The following PIK3R5 variants were observed in gnomAD, a reference collection of about 807,000 sequenced individuals.
PIK3R5 encodes phosphoinositide 3-kinase regulatory subunit 5.
A neutral mutation model predicts 94.9 loss-of-function variants in PIK3R5; 32 were observed. The ratio of observed to expected loss-of-function variants is 0.34; its 90% CI spans 0.25 to 0.45. PIK3R5 has a LOEUF of 0.45. PIK3R5 is among the 20% of genes least tolerant of loss of function. The pLI is 1.00. For synonymous variants in PIK3R5, 443 were observed against 479.4 expected (o/e 0.92, Z 0.99); for missense variants, 853 against 1,144.6 (o/e 0.75, Z 3.68).
chr17:8,959,170 C>T (rs746114229), intron 1 of PIK3R5, among the ~76,000 whole-genome samples: 7 of 152,182 alleles, frequency 4.6e-5, no homozygotes, highest in Non-Finnish European at 7.4e-5. Flanking sequence ...CCCAGCACGC[C>T]GCTTCAGGGT....
chr17:8,888,402 G>A lies in PIK3R5; in HGVS notation c.1385C>T (p.Pro462Leu). The A allele has an allele frequency of 6.3e-7, 1 of 1,586,972 alleles. No homozygotes were observed. Among genetic ancestry groups the A allele is most frequent in the Non-Finnish European group, 8.5e-7 (1 of 1,170,022 alleles). The change falls in exon 10 of 19, where the codon CCC (proline) becomes CTC (leucine). Residue 462 changes from proline to leucine, a missense_variant. By Grantham distance (98) the Pro-to-Leu change is moderately conservative. Transcript: ENST00000447110. The surrounding 1 kb of genome is among the most constrained non-coding windows in gnomAD (Gnocchi z 7.8). ...AGGGGGTGATACTGGTTCGTCCAGG[G>A]GGCTGCAGAGGCTCCCTGCCCGCCT... ...PLRRAGSLCS[P>L]LDEPVSPPSR...
chr17:8,932,383 C>T (rs1000123559), intron 1 of PIK3R5, among the ~76,000 whole-genome samples: 5 of 152,092 alleles, frequency 3.3e-5, no homozygotes, highest in Non-Finnish European at 7.4e-5. Context: ...TACAGGCATG[C>T]ACTACCATGC....
chr17:8,920,219 C>T lies in PIK3R5; in HGVS notation c.-13-8712G>A, dbSNP rs115364568. 8.9e-3 allele frequency among the ~76,000 whole-genome samples: 1,362 copies of T among 152,222 alleles called. 23 individuals carry two copies. The highest frequency in any genetic ancestry group is 0.031 in the African/African-American group (1,292 of 41,530). ...TCTTAACACACACATCTCACCTGCCCAACTCTTGATGTCTTCAGAACTAGG... is the reference window on the plus strand; with the variant it reads ...TCTTAACACACACATCTCACCTGCCTAACTCTTGATGTCTTCAGAACTAGG... On this transcript the variant is annotated intron_variant, in intron 1 of 18. Transcript: ENST00000447110.
intron 5 of PIK3R5, among the ~76,000 whole-genome samples, chr17:8,903,136 C>A (rs1405167469): frequency 1.3e-5 from 2 of 152,180 alleles, no homozygotes; most frequent in Non-Finnish European, 2.9e-5. Flanking sequence ...TGAGCCACCA[C>A]ACCTGGCCTT....
chr17:8,902,296 T>A (rs441532), intron 5 of PIK3R5, among the ~76,000 whole-genome samples: 59,025 of 141,682 alleles, frequency 0.42, 13,046 homozygotes, highest in African/African-American at 0.54. Context: ...TCGCTTTGTC[T>A]GCAGGCTGGA....
rs555457359 is a variant in PIK3R5 at position 8,955,195 on chromosome 17, C to G, written c.-14+10401G>C. ...CTCAGATGGGGAGCAGCCCAGCCTG[C>G]CCGATCATCAGTCATCCAAGGCTGA... On this transcript the variant is annotated intron_variant, in intron 1 of 18. Transcript: ENST00000447110. The surrounding 1 kb of genome is among the most constrained non-coding windows in gnomAD (Gnocchi z 4.4). Among the ~76,000 whole-genome samples the G allele has an allele frequency of 1.3e-5, 2 of 152,294 alleles. No individual in the cohort carries two copies. Among genetic ancestry groups the G allele is most frequent in the East Asian group, 3.9e-4 (2 of 5,188 alleles).
At chr17:8,954,125 C>T (rs527766214) in intron 1 of PIK3R5, among the ~76,000 whole-genome samples, 1 of 152,238 alleles carries the variant, frequency 6.6e-6, no homozygotes, top group African/African-American at 2.4e-5. Flanking sequence ...CTTACTCTGA[C>T]CCAAGCTCCC....
chr17:8,890,511 C>T lies in PIK3R5; in HGVS notation c.657+227G>A, dbSNP rs1048720453. Reference sequence around the variant, plus strand: ...TGGCATATGCCATCTTCTGAGGCACCAGTTATCAGCACCCAGTCCTACTGC... The same window carrying T: ...TGGCATATGCCATCTTCTGAGGCACTAGTTATCAGCACCCAGTCCTACTGC... On this transcript the variant is annotated intron_variant, in intron 7 of 18. Transcript: ENST00000447110. The surrounding 1 kb of genome is among the most constrained non-coding windows in gnomAD (Gnocchi z 6.1). Among the ~76,000 whole-genome samples, 11 of 152,218 alleles carry T rather than the reference C, an allele frequency of 7.2e-5. No homozygotes were observed. The highest frequency in any genetic ancestry group is 2.7e-4 in the African/African-American group (11 of 41,454).
chr17:8,920,365 C>G (rs1197494559), intron 1 of PIK3R5, among the ~76,000 whole-genome samples: 2 of 152,172 alleles, frequency 1.3e-5, no homozygotes, highest in Non-Finnish European at 2.9e-5. Context: ...GGGAAGGCAC[C>G]TTAGGTACCA....
At chr17:8,927,789 G>A (rs1283010155) in intron 1 of PIK3R5, among the ~76,000 whole-genome samples, 3 of 152,132 alleles carry the variant, frequency 2.0e-5, no homozygotes, top group Non-Finnish European at 4.4e-5. Context: ...GATGGTTGGA[G>A]CCAATCTCTC....
rs2090010670 is a variant in PIK3R5 at position 8,890,993 on chromosome 17, T to C, written c.483-81A>G. On this transcript the variant is annotated intron_variant, in intron 6 of 18. Transcript: ENST00000447110. The surrounding 1 kb of genome is among the most constrained non-coding windows in gnomAD (Gnocchi z 6.1). Reference sequence around the variant, plus strand: ...CAGCCACCCCCCTCGTGCCTGCTGGTGCTCAGCTCCACTGAGACCAGGGCC... The same window carrying C: ...CAGCCACCCCCCTCGTGCCTGCTGGCGCTCAGCTCCACTGAGACCAGGGCC... 1 of 1,384,310 alleles carries C rather than the reference T, an allele frequency of 7.2e-7. No homozygotes were observed. The highest frequency in any genetic ancestry group is 9.9e-7 in the Non-Finnish European group (1 of 1,014,462). 85.8% of individuals were successfully genotyped at this position (1,384,310 alleles called of 1,614,324 possible). A position where few individuals can be genotyped will look rare whatever the true frequency, so the allele number is the denominator to read the frequency against.
intron 3 of PIK3R5, among the ~76,000 whole-genome samples, chr17:8,907,052 T>G (rs1213288388): frequency 6.6e-6 from 1 of 152,148 alleles, no homozygotes; most frequent in African/African-American, 2.4e-5. Context: ...TGAGATGGAG[T>G]CTCGCTCTGT....
chr17:8,945,039 G>C lies in PIK3R5; in HGVS notation c.-14+20557C>G, dbSNP rs2091249402. On this transcript the variant is annotated intron_variant, in intron 1 of 18. Transcript: ENST00000447110. The surrounding 1 kb of genome is among the most constrained non-coding windows in gnomAD (Gnocchi z 4.0). The stretch of plus-strand genomic sequence containing the variant: ...TCTTCCTCTCCAGGAAGATGCTGGT[G>C]CTTGGGGGTCCAGGAAGCCCTGCTG... Among the ~76,000 whole-genome samples, 1 of 152,188 alleles carries C rather than the reference G, an allele frequency of 6.6e-6. No homozygotes were observed. Among genetic ancestry groups the C allele is most frequent in the South Asian group, 2.1e-4 (1 of 4,834 alleles).
Position 8,892,123 on chromosome 17 carries a change from TC to T in PIK3R5, c.483-1212del, listed in dbSNP as rs1194456627. 6.6e-6 allele frequency among the ~76,000 whole-genome samples: 1 copy of T among 152,178 alleles called. No individual in the cohort carries two copies. The highest frequency in any genetic ancestry group is 1.5e-5 in the Non-Finnish European group (1 of 68,036). ...TGATGAGAGCTCTTGCTCTCTCAAT[TC>T]CACACTGCGTTTAAACCCAGTGCAA... On this transcript the variant is annotated intron_variant, in intron 6 of 18. Transcript: ENST00000447110. This position sits in a 1 kb window ranked among gnomAD's most constrained non-coding sequence, Gnocchi z 4.3.
chr17:8,893,597 G>C lies in PIK3R5; in HGVS notation c.471C>G (p.Arg157=), dbSNP rs1299596690. 1.2e-6 allele frequency: 2 copies of C among 1,613,474 alleles called. No individual in the cohort carries two copies. Among genetic ancestry groups the C allele is most frequent in the Non-Finnish European group, 8.5e-7 (1 of 1,179,602 alleles). Residue 157 remains arginine, a synonymous_variant, in exon 6 of 19, where the codon CGC becomes CGG. Transcript: ENST00000447110. The surrounding 1 kb of genome is among the most constrained non-coding windows in gnomAD (Gnocchi z 5.1). ...CCAAGAGCACTCACACGGTGGAGCTGCGGTGACTCCTGATGGGCAGGCCCT... is the reference window on the plus strand; with the variant it reads ...CCAAGAGCACTCACACGGTGGAGCTCCGGTGACTCCTGATGGGCAGGCCCT... ...AEQGLPIRSH[R]SSTVTVLLLN...
rs2090152530 is a variant in PIK3R5, at chr17:8,896,339, C to T, written c.413-2684G>A. Among the ~76,000 whole-genome samples the T allele has an allele frequency of 6.6e-6, 1 of 152,162 alleles. No individual in the cohort carries two copies. The highest frequency in any genetic ancestry group is 1.5e-5 in the Non-Finnish European group (1 of 68,016). ...GAGGCTGCACTGGGGAGCCTCAGAT[C>T]CACAGACACCTCTCTCCCTTTGATC... On this transcript the variant is annotated intron_variant, in intron 5 of 18. Transcript: ENST00000447110. The surrounding 1 kb of genome is among the most constrained non-coding windows in gnomAD (Gnocchi z 4.0).
rs924628331 is a variant in PIK3R5 at position 8,945,072 on chromosome 17, G to T, written c.-14+20524C>A. ...GTCCAGGAAGCCCTGCTGTGGAGCA[G>T]CCCAGAGACCTGGCAAAGCTTTCTC... On this transcript the variant is annotated intron_variant, in intron 1 of 18. Coordinates refer to ENST00000447110, the MANE Select transcript of PIK3R5 (RefSeq NM_001142633.3). The surrounding 1 kb of genome is among the most constrained non-coding windows in gnomAD (Gnocchi z 4.0). Among the ~76,000 whole-genome samples, 10 of 152,178 alleles carry T rather than the reference G, an allele frequency of 6.6e-5. No individual in the cohort carries two copies. Among genetic ancestry groups the T allele is most frequent in the Admixed American group, 6.5e-4 (10 of 15,290 alleles).
chr17:8,904,946 A>C lies in PIK3R5; in HGVS notation c.274-31T>G. 6.2e-7 allele frequency: 1 copy of C among 1,607,240 alleles called. No homozygotes were observed. Among genetic ancestry groups the C allele is most frequent in the South Asian group, 1.1e-5 (1 of 91,064 alleles). On this transcript the variant is annotated intron_variant, in intron 4 of 18. Transcript: ENST00000447110. This position sits in a 1 kb window ranked among gnomAD's most constrained non-coding sequence, Gnocchi z 5.1. ...ATGGAGGCAGGCAACAAGCAAAGAG[A>C]TCTAGGTGAGAAAAGGCTCAGATAG...
chr17:8,962,347 T>C (rs917312139), intron 1 of PIK3R5, among the ~76,000 whole-genome samples: 1 of 152,206 alleles, frequency 6.6e-6, no homozygotes, highest in African/African-American at 2.4e-5. Flanking sequence ...CAAAAGAGAA[T>C]GGCAGGCCAG....
Sources: allele counts gnomAD v4.1 joint callset (sites outside exome capture counted in the v4.1 genomes callset), GRCh38; gene constraint gnomAD v4.1.1; non-coding constraint Gnocchi (gnomAD v3.1); transcripts MANE v1.5; gene names NCBI Gene and HGNC (gene_info 2026-07-23, HGNC 2026-07-21).